Variants in ZFHX3 observed in about 807,000 individuals in gnomAD.
ZFHX3 encodes the protein zinc finger homeobox protein 3.
A neutral mutation model predicts 279.1 loss-of-function variants in ZFHX3; 42 were observed. The ratio of observed to expected loss-of-function variants is 0.15; its 90% CI spans 0.12 to 0.19. The LOEUF is 0.19. ZFHX3 is among the 10% of genes least tolerant of loss of function. The pLI is 1.00. For synonymous variants in ZFHX3, 2,293 were observed against 1,957.8 expected (o/e 1.17, Z -4.52); for missense variants, 4,981 against 4,754.0 (o/e 1.05, Z -1.40).
intron 5 of ZFHX3, among the ~76,000 whole-genome samples, chr16:73,251,079 A>G (rs1425193218): frequency 1.3e-5 from 2 of 152,186 alleles, no homozygotes; most frequent in Non-Finnish European, 2.9e-5. Context: ...GTTGTCCAGT[A>G]GCAGAAGCTG....
At chr16:72,869,938 G>A (rs909102287) in intron 4 of ZFHX3, among the ~76,000 whole-genome samples, 10 of 152,116 alleles carry the variant, frequency 6.6e-5, no homozygotes, top group Admixed American at 2.0e-4. Flanking sequence ...AACAATACAC[G>A]AGAAAGAACA....
intron 4 of ZFHX3, among the ~76,000 whole-genome samples, chr16:73,295,301 A>G (rs2014882710): frequency 6.6e-6 from 1 of 152,190 alleles, no homozygotes; most frequent in Admixed American, 6.5e-5. Flanking sequence ...CAGTTGGGGG[A>G]CGATTTTGAA....
At chr16:72,991,932 G>C (rs946395462) in intron 1 of ZFHX3, among the ~76,000 whole-genome samples, 8 of 152,208 alleles carry the variant, frequency 5.3e-5, no homozygotes, top group African/African-American at 1.9e-4. Flanking sequence ...AATTGCTCGG[G>C]ATGATGCTAA....
intron 3 of ZFHX3, among the ~76,000 whole-genome samples, chr16:73,321,291 C>A (rs1178054876): frequency 6.6e-6 from 1 of 152,110 alleles, no homozygotes; most frequent in African/African-American, 2.4e-5. Flanking sequence ...AGGCGAGATC[C>A]TAAACTTTGC....
chr16:72,939,278 A>G (rs1196188646), intron 3 of ZFHX3, among the ~76,000 whole-genome samples: 3 of 152,124 alleles, frequency 2.0e-5, no homozygotes, highest in African/African-American at 7.2e-5. Flanking sequence ...CCCTCCACAG[A>G]GCAAAAACAT....
chr16:73,638,355 G>A (rs2052546010), intron 2 of ZFHX3, among the ~76,000 whole-genome samples: 1 of 152,136 alleles, frequency 6.6e-6, no homozygotes, highest in Admixed American at 6.5e-5. Context: ...TTGTCAAGGA[G>A]CACGAATGGA....
Position 72,788,622 on chromosome 16 carries a change from C to T in ZFHX3, c.9654G>A (p.Pro3218=), listed in dbSNP as rs374377988. The part of the protein sequence containing the change: ...QQPPPPPAAQ[P]PPTPQLPLQQ... ...GCAGTGGGAGCTGTGGTGTGGGTGG[C>T]GGCTGGGCTGCTGGCGGCGGGGGAG... is the stretch of plus-strand genomic sequence containing the variant. Residue 3218 remains proline (P), a synonymous_variant, in exon 10 of 10, where the codon CCG becomes CCA. Coordinates refer to ENST00000268489, the MANE Select transcript of ZFHX3 (RefSeq NM_006885.4). 7 of 1,613,082 alleles carry T rather than the reference C, an allele frequency of 4.3e-6. No homozygotes were observed. The highest frequency in any genetic ancestry group is 2.2e-5 in the South Asian group (2 of 91,004).
rs78480639 is a variant in ZFHX3 at position 73,738,855 on chromosome 16, G to C, written c.-1607-58615C>G. ...CTGGATTCCTGCTGAGGAGGCACCC[G>C]TGGAAGATTACAAGATGGAAGAAAG... On this transcript the variant is annotated intron_variant, in intron 1 of 17. Coordinates refer to the ZFHX3 transcript ENST00000641206. Among the ~76,000 whole-genome samples, 13 of 152,250 alleles carry C rather than the reference G, an allele frequency of 8.5e-5. No individual in the cohort carries two copies. The East Asian group carries it at 2.5e-3, about 30-fold the overall frequency.
chr16:73,278,018 C>A (rs908688344), intron 4 of ZFHX3, among the ~76,000 whole-genome samples: 3 of 152,132 alleles, frequency 2.0e-5, no homozygotes, highest in Admixed American at 6.5e-5. Flanking sequence ...AGTCACCTCC[C>A]ACCAGGCCCC....
intron 3 of ZFHX3, among the ~76,000 whole-genome samples, chr16:73,379,996 G>A (rs1331706717): frequency 6.6e-6 from 1 of 152,168 alleles, no homozygotes; most frequent in Non-Finnish European, 1.5e-5. Flanking sequence ...TACATTAATT[G>A]ATTCTACAAT....
rs1213671074 is a variant in ZFHX3, at chr16:72,784,764, ATTCT to A, written c.*2396_*2399del. ...ATACTGGTATGAATAGTTAGATGGT[ATTCT>A]TTCTTTAGTATTTCTACTTAAAAAA... is the stretch of plus-strand genomic sequence containing the variant. On this transcript the variant is annotated 3_prime_UTR_variant, in exon 10 of 10. Coordinates refer to ENST00000268489, the MANE Select transcript of ZFHX3 (RefSeq NM_006885.4). 2.6e-5 allele frequency: 4 copies of A among 152,696 alleles called. No homozygotes were observed. The highest frequency in any genetic ancestry group is 2.1e-4 in the South Asian group (1 of 4,826). The allele number at this position is 152,696 out of a possible 1,614,324, so 9.5% of individuals were successfully genotyped here.
intron 1 of ZFHX3, among the ~76,000 whole-genome samples, chr16:73,787,571 C>A (rs960681411): frequency 7.9e-5 from 12 of 152,134 alleles, no homozygotes; most frequent in African/African-American, 2.9e-4. Context: ...ATTAGGTATT[C>A]AAACAGCATT....
chr16:73,021,184 A>G (rs1183791338), intron 1 of ZFHX3, among the ~76,000 whole-genome samples: 2 of 152,204 alleles, frequency 1.3e-5, no homozygotes, highest in Non-Finnish European at 1.5e-5. Context: ...GGCTCAATAA[A>G]AGGAAAGACT....
intron 6 of ZFHX3, among the ~76,000 whole-genome samples, chr16:73,142,866 A>G (rs1317387735): frequency 6.6e-6 from 1 of 152,232 alleles, no homozygotes; most frequent in Non-Finnish European, 1.5e-5. Context: ...TGACGTCCAG[A>G]AAGGCCCAGT....
At chr16:73,365,566 T>C (rs1432007773) in intron 3 of ZFHX3, among the ~76,000 whole-genome samples, 1 of 152,168 alleles carries the variant, frequency 6.6e-6, no homozygotes, top group Non-Finnish European at 1.5e-5. Flanking sequence ...TAGTAAATGG[T>C]GCAGCTGAGA....
chr16:72,909,765 C>A (rs1490406868), intron 3 of ZFHX3, among the ~76,000 whole-genome samples: 1 of 150,572 alleles, frequency 6.6e-6, no homozygotes, highest in Non-Finnish European at 1.5e-5. Context: ...GCAGTCCCAG[C>A]TACTTGGAGG....
chr16:72,798,807 G>A, intron 8 of ZFHX3, 93 bp from the exon 9 acceptor site: 5 of 1,463,906 alleles, frequency 3.4e-6, no homozygotes, highest in Non-Finnish European at 4.5e-6. Flanking sequence ...CAGGCCTCAT[G>A]AACACAGAAT....
intron 1 of ZFHX3, among the ~76,000 whole-genome samples, chr16:73,763,025 C>A (rs118017713): frequency 0.012 from 1,761 of 152,066 alleles, 16 homozygotes; most frequent in South Asian, 0.026. Context: ...GGATTCCTTC[C>A]CCTAAATATT....
intron 5 of ZFHX3, among the ~76,000 whole-genome samples, chr16:73,191,865 G>A (rs938554866): frequency 3.9e-5 from 6 of 152,186 alleles, no homozygotes; most frequent in African/African-American, 1.2e-4. Context: ...GTGGGGCCAG[G>A]CCTCCTCATG....
Sources: gnomAD v4.1 joint callset for allele counts (sites outside exome capture counted in the v4.1 genomes callset) on GRCh38, gnomAD v4.1.1 for gene constraint, MANE v1.5 for transcripts, NCBI Gene and HGNC (gene_info 2026-07-23, HGNC 2026-07-21) for gene names.